STXBP4: variants seen among roughly 807,000 people sequenced by gnomAD.
The protein encoded by STXBP4 is syntaxin binding protein 4, also known as syntaxin-binding protein 4.
STXBP4 carries 55 observed loss-of-function variants against 76.1 expected under a neutral mutation model. That is an observed-to-expected ratio of 0.72 (90% CI 0.58 to 0.91). The LOEUF is 0.91. Among genes scored for constraint, STXBP4 ranks in the 40% least tolerant of loss-of-function variants. STXBP4 has a pLI of 0.00. For missense variants in STXBP4, 618 were observed against 636.9 expected (o/e 0.97, Z 0.32); for synonymous variants, 201 against 220.2 (o/e 0.91, Z 0.77).
At chr17:54,993,036 C>T (rs144541794) in intron 4 of STXBP4, among the ~76,000 whole-genome samples, 1 of 152,218 alleles carries the variant, frequency 6.6e-6, no homozygotes, top group East Asian at 1.9e-4. Context: ...TTAAGACAAG[C>T]ATCAATTTGT....
chr17:54,999,759 C>CT lies in STXBP4; in HGVS notation c.421dup (p.Ser141PhefsTer5). ...TGGACCTCAAGCCTCAACATTAAGTCTTTTTTCTTCTCCTCCTGAAATACT... is the reference window on the plus strand; with the variant it reads ...TGGACCTCAAGCCTCAACATTAAGTCTTTTTTTCTTCTCCTCCTGAAATACT... On this transcript the variant is annotated frameshift_variant, in exon 6 of 18. Coordinates refer to ENST00000376352, the MANE Select transcript of STXBP4 (RefSeq NM_178509.6). LOFTEE classifies it high-confidence loss of function. The CT allele has an allele frequency of 6.2e-7, 1 of 1,613,522 alleles. No individual in the cohort carries two copies. The highest frequency in any genetic ancestry group is 1.1e-5 in the South Asian group (1 of 91,056).
At chr17:55,145,141 A>G (rs887989999) in intron 17 of STXBP4, among the ~76,000 whole-genome samples, 2 of 152,138 alleles carry the variant, frequency 1.3e-5, no homozygotes, top group Non-Finnish European at 1.5e-5. Flanking sequence ...GACATCTACT[A>G]TATGTCTTTT....
At chr17:55,083,014 T>C (rs748948804) in intron 16 of STXBP4, among the ~76,000 whole-genome samples, 1 of 151,638 alleles carries the variant, frequency 6.6e-6, no homozygotes, top group Non-Finnish European at 1.5e-5. Flanking sequence ...CAGGCTGGAG[T>C]GCAGTGGCTC....
rs11452679 is a variant in STXBP4 at position 55,117,599 on chromosome 17, G to GAA, written c.1490-23701_1490-23700dup. ...TCTACCCAAATTTGCTGCACTAATC[G>GAA]AAAAAAAAAAACAATAATTTCAGCT... On this transcript the variant is annotated intron_variant, in intron 16 of 17. Coordinates refer to ENST00000376352, the MANE Select transcript of STXBP4 (RefSeq NM_178509.6). Among the ~76,000 whole-genome samples, 578 of 146,996 alleles carry GAA rather than the reference G, an allele frequency of 3.9e-3. 10 individuals carry two copies. The highest frequency in any genetic ancestry group is 0.026 in the East Asian group (131 of 5,018).
chr17:55,185,879 T>C, the STXBP4 span, among the ~76,000 whole-genome samples: 1 of 152,272 alleles, frequency 6.6e-6, no homozygotes, highest in East Asian at 1.9e-4. Context: ...GAACGTCATG[T>C]TTAAAGGCAC....
rs1163794216 is a variant in STXBP4, at chr17:55,170,253, A to G, written c.*10342A>G. On this transcript the variant is annotated 3_prime_UTR_variant, in exon 18 of 18. Coordinates refer to ENST00000376352, the MANE Select transcript of STXBP4 (RefSeq NM_178509.6). The stretch of plus-strand genomic sequence containing the variant: ...ATTTAAAATAGAAATGATTGCCTAA[A>G]TTCCTGAAAACAGGGGAATGTCTAA... 1 of 151,986 alleles carries G rather than the reference A, an allele frequency of 6.6e-6. No individual in the cohort carries two copies. Among genetic ancestry groups the G allele is most frequent in the Non-Finnish European group, 1.5e-5 (1 of 67,862 alleles). The allele number at this position is 151,986 out of a possible 1,614,324, so 9.4% of individuals were successfully genotyped here. A position where few individuals can be genotyped will look rare whatever the true frequency, so the allele number is the denominator to read the frequency against.
intron 16 of STXBP4, among the ~76,000 whole-genome samples, chr17:55,140,875 C>T (rs986550241): frequency 2.0e-5 from 3 of 152,164 alleles, no homozygotes; most frequent in African/African-American, 7.2e-5. Context: ...CCCTGCTGAT[C>T]TGGCACTCAT....
chr17:55,195,737 A>C, the STXBP4 span, among the ~76,000 whole-genome samples: 1 of 152,146 alleles, frequency 6.6e-6, no homozygotes, highest in Admixed American at 6.5e-5. Flanking sequence ...GGCTTTTTAA[A>C]TGCATATCTC....
At chr17:55,028,367 T>A (rs2078450980) in intron 8 of STXBP4, among the ~76,000 whole-genome samples, 1 of 152,096 alleles carries the variant, frequency 6.6e-6, no homozygotes, top group Non-Finnish European at 1.5e-5. Context: ...ATTTGTAAAA[T>A]GTACAGAATA....
chr17:55,157,097 C>T (rs1452970156), intron 17 of STXBP4, among the ~76,000 whole-genome samples: 1 of 152,100 alleles, frequency 6.6e-6, no homozygotes, highest in African/African-American at 2.4e-5. Context: ...GGTAATTGCT[C>T]CTGTTTTTCT....
the STXBP4 span, among the ~76,000 whole-genome samples, chr17:55,191,219 C>A: frequency 6.6e-6 from 1 of 152,070 alleles, no homozygotes; most frequent in Non-Finnish European, 1.5e-5. Context: ...ACTATTAGAA[C>A]CCAAGTCTGA....
chr17:55,055,348 C>A (rs555617749), intron 12 of STXBP4, among the ~76,000 whole-genome samples: 2 of 152,248 alleles, frequency 1.3e-5, no homozygotes, highest in Admixed American at 1.3e-4. Flanking sequence ...AATCTGACCC[C>A]ACTCTTTCTT....
At chr17:55,013,988 G>A (rs1432777453) in intron 8 of STXBP4, among the ~76,000 whole-genome samples, 1 of 152,188 alleles carries the variant, frequency 6.6e-6, no homozygotes, top group African/African-American at 2.4e-5. Context: ...GTACAGCTGG[G>A]TATAGAGGGA....
At chr17:55,022,904 A>C (rs1282967637) in intron 8 of STXBP4, among the ~76,000 whole-genome samples, 2 of 152,188 alleles carry the variant, frequency 1.3e-5, no homozygotes, top group Admixed American at 6.5e-5. Flanking sequence ...TTTTATTCTG[A>C]GTTCAGTAAA....
At chr17:55,007,878 C>T (rs2144544923) in intron 8 of STXBP4, among the ~76,000 whole-genome samples, 1 of 152,228 alleles carries the variant, frequency 6.6e-6, no homozygotes, top group South Asian at 2.1e-4. Context: ...GTGATTTTTA[C>T]AGTCTAGAAT....
At chr17:55,025,859 A>G (rs982683606) in intron 8 of STXBP4, among the ~76,000 whole-genome samples, 6 of 152,222 alleles carry the variant, frequency 3.9e-5, no homozygotes, top group Non-Finnish European at 5.9e-5. Flanking sequence ...CTATTCCCAG[A>G]TGATGTGATC....
intron 10 of STXBP4, among the ~76,000 whole-genome samples, chr17:55,038,650 A>G (rs2078645067): frequency 6.6e-6 from 1 of 152,004 alleles, no homozygotes; most frequent in South Asian, 2.1e-4. Flanking sequence ...CTGCTGGCAC[A>G]AGGTTATATG....
the STXBP4 span, among the ~76,000 whole-genome samples, chr17:55,183,121 C>T: frequency 6.6e-6 from 1 of 152,084 alleles, no homozygotes; most frequent in Admixed American, 6.5e-5. Context: ...GCATATAAGT[C>T]AAAAGGAGGG....
At chr17:54,999,870 A>G (rs1567711656) in intron 6 of STXBP4, 28 bp downstream of exon 6, 6 of 1,437,666 alleles carry the variant, frequency 4.2e-6, no homozygotes, top group East Asian at 2.3e-5. Context: ...AAATTTCTCT[A>G]TATATGCACT....
Sources: allele counts gnomAD v4.1 joint callset (sites outside exome capture counted in the v4.1 genomes callset), GRCh38; gene constraint gnomAD v4.1.1; transcripts MANE v1.5; gene names NCBI Gene and HGNC (gene_info 2026-07-23, HGNC 2026-07-21).